Variants in APOC4 observed in about 807,000 individuals in gnomAD.
APOC4 encodes apolipoprotein C4, also known as apolipoprotein C-IV.
In APOC4, 10 loss-of-function variants were observed where a neutral mutation model predicts 8.4. The ratio of observed to expected loss-of-function variants is 1.19; its 90% CI spans 0.74 to 2.03. The LOEUF (loss-of-function observed/expected upper bound fraction) is 2.03. Among genes scored for constraint, APOC4 ranks in the 30% most tolerant of loss-of-function variants. APOC4 has a pLI of 0.00. For missense variants in APOC4, 160 were observed against 156.1 expected (o/e 1.02, Z -0.13); for synonymous variants, 59 against 65.8 (o/e 0.90, Z 0.50).
intron 1 of APOC4, among the ~76,000 whole-genome samples, chr19:44,943,035 C>T (rs1345121194): frequency 3.9e-5 from 6 of 152,096 alleles, no homozygotes. Flanking sequence ...CATTCTCCTG[C>T]CTCAGCCTCC....
chr19:44,945,037 G>A, intron 2 of APOC4, 103 bp from the exon 3 acceptor site: 1 of 1,534,494 alleles, frequency 6.5e-7, no homozygotes, highest in Non-Finnish European at 8.8e-7. Context: ...GAGGGTTAGA[G>A]CTGAGAGCAG....
intron 1 of APOC4, among the ~76,000 whole-genome samples, chr19:44,943,076 C>T: frequency 6.6e-6 from 1 of 152,236 alleles, no homozygotes; most frequent in Non-Finnish European, 1.5e-5. Flanking sequence ...AGCCCACCAC[C>T]ACGCCTGGCT....
chr19:44,943,112 G>A (rs965756501), intron 1 of APOC4, among the ~76,000 whole-genome samples: 7 of 152,020 alleles, frequency 4.6e-5, no homozygotes, highest in Admixed American at 1.3e-4. Flanking sequence ...TACTAGAGAC[G>A]GGGTTTCGCC....
In APOC4 at chr19:44,945,253, A is replaced by C. The variant is rs1970305641; in HGVS notation, c.332A>C (p.Lys111Thr). ...GAATCCAAAGACAGCCTCTTGAAGA[A>C]GACCCACAGCCTGTGCCCCAGGCTT... ...FLESKDSLLK[K>T]THSLCPRLVC... Residue 111 changes from lysine to threonine, a missense_variant, in exon 3 of 3, where the codon AAG (lysine) becomes ACG (threonine). Coordinates refer to ENST00000592954, the MANE Select transcript of APOC4 (RefSeq NM_001646.3). 13 of 1,613,950 alleles carry C rather than the reference A, an allele frequency of 8.1e-6. No individual in the cohort carries two copies. Among genetic ancestry groups the C allele is most frequent in the Non-Finnish European group, 1.1e-5 (13 of 1,180,022 alleles).
At chr19:44,944,519 A>T (rs536676804) in intron 1 of APOC4, among the ~76,000 whole-genome samples, 1 of 151,458 alleles carries the variant, frequency 6.6e-6, no homozygotes, top group Non-Finnish European at 1.5e-5. Context: ...AGAGCAAGAG[A>T]CTGACTCTGT....
At chr19:44,944,537 A>T (rs1435954412) in intron 1 of APOC4, among the ~76,000 whole-genome samples, 1 of 151,802 alleles carries the variant, frequency 6.6e-6, no homozygotes, top group East Asian at 1.9e-4. Flanking sequence ...TGTCTCATAA[A>T]AAAAAAGAAA....
Position 44,942,367 on chromosome 19 carries a change from G to T in APOC4, c.76+14G>T, listed in dbSNP as rs200020330. 552 of 1,612,654 alleles carry T rather than the reference G, an allele frequency of 3.4e-4. 10 individuals are homozygous for T. In the South Asian group the frequency reaches 5.3e-3, roughly 15 times the overall value. On this transcript the variant is annotated intron_variant, in intron 1 of 2. Coordinates refer to ENST00000592954, the MANE Select transcript of APOC4 (RefSeq NM_001646.3). ...CCTGCATTGGGGGTGAGAAGAAGTGGGTGGAGGGATGTGGGGCCCACACCT... is the reference window on the plus strand; with the variant it reads ...CCTGCATTGGGGGTGAGAAGAAGTGTGTGGAGGGATGTGGGGCCCACACCT...
Position 44,945,244 on chromosome 19 carries a change from T to G in APOC4, c.323T>G (p.Leu108Arg). The G allele has an allele frequency of 6.2e-7, 1 of 1,614,002 alleles. No homozygotes were observed. Among genetic ancestry groups the G allele is most frequent in the Non-Finnish European group, 8.5e-7 (1 of 1,179,984 alleles). ...TGGTTCCTCGAATCCAAAGACAGCC[T>G]CTTGAAGAAGACCCACAGCCTGTGC... is the stretch of plus-strand genomic sequence containing the variant. Reference protein sequence around the residue: ...KAWFLESKDSLLKKTHSLCPR... With the variant: ...KAWFLESKDSRLKKTHSLCPR... The change falls in exon 3 of 3, where the codon CTC becomes CGC. Residue 108 changes from leucine (L) to arginine (R), a missense_variant. Physicochemically the swap from Leu to Arg is moderately radical, Grantham distance 102 (BLOSUM62 -2). Coordinates refer to ENST00000592954, the MANE Select transcript of APOC4 (RefSeq NM_001646.3).
chr19:44,944,944 A>G, intron 2 of APOC4, 54 bp downstream of exon 2: 1 of 1,558,418 alleles, frequency 6.4e-7, no homozygotes, highest in Non-Finnish European at 8.7e-7. Flanking sequence ...CTGAGGGAGG[A>G]GGGGCTGGGG....
At chr19:44,942,697 A>G (rs1373813060) in intron 1 of APOC4, among the ~76,000 whole-genome samples, 3 of 150,386 alleles carry the variant, frequency 2.0e-5, no homozygotes, top group Admixed American at 6.6e-5. Context: ...GAGTGTGTGG[A>G]CATGTGTGAG....
chr19:44,945,029 G>T, intron 2 of APOC4, 111 bp from the exon 3 acceptor site: 1 of 1,528,456 alleles, frequency 6.5e-7, no homozygotes, highest in East Asian at 2.3e-5. Flanking sequence ...GAGGAGTGGA[G>T]GGTTAGAGCT....
chr19:44,944,997 G>C (rs547911169), intron 2 of APOC4, 107 bp downstream of exon 2: 2 of 1,523,120 alleles, frequency 1.3e-6, no homozygotes, highest in Admixed American at 2.1e-5. Flanking sequence ...GGTGGGAGTG[G>C]GGCTGTGACC....
intron 1 of APOC4, among the ~76,000 whole-genome samples, chr19:44,943,380 GTTAA>G (rs926980263): frequency 6.6e-6 from 1 of 150,788 alleles, no homozygotes; most frequent in Non-Finnish European, 1.5e-5. Context: ...TGTACTTTAT[GTTAA>G]AATGGGATCA....
intron 1 of APOC4, among the ~76,000 whole-genome samples, chr19:44,943,819 C>T (rs1221630894): frequency 6.6e-6 from 1 of 152,168 alleles, no homozygotes; most frequent in Non-Finnish European, 1.5e-5. Flanking sequence ...TCACGATAAC[C>T]CTGAGGTAGA....
chr19:44,942,298 G>T lies in APOC4; in HGVS notation c.21G>T (p.Arg7Ser), dbSNP rs565473757. 473 of 1,613,008 alleles carry T rather than the reference G, an allele frequency of 2.9e-4. 2 individuals carry two copies. The South Asian group carries it at 3.3e-3, about 11-fold the overall frequency. The change falls in exon 1 of 3, where the codon AGG becomes AGT. Residue 7 changes from arginine to serine, a missense_variant. By Grantham distance (110) the Arg-to-Ser change is moderately radical. Coordinates refer to ENST00000592954, the MANE Select transcript of APOC4 (RefSeq NM_001646.3). MSLLRN[R>S]LQALPALCLC... The stretch of plus-strand genomic sequence containing the variant: ...CAGAAATGTCCCTCCTCAGAAACAG[G>T]CTCCAGGCCCTGCCTGCCCTGTGCC...
intron 1 of APOC4, 130 bp from the exon 2 acceptor site, chr19:44,944,619 C>A: frequency 9.0e-7 from 1 of 1,114,872 alleles, no homozygotes; most frequent in Non-Finnish European, 1.2e-6. Context: ...AGGGTAAAGG[C>A]AGGAGGCAAG....
At chr19:44,943,913 G>C (rs1265748887) in intron 1 of APOC4, among the ~76,000 whole-genome samples, 1 of 152,186 alleles carries the variant, frequency 6.6e-6, no homozygotes, top group African/African-American at 2.4e-5. Context: ...CTAGCTACAT[G>C]TGGCCCCCGC....
rs1472190999 is a variant in APOC4 at position 44,942,409 on chromosome 19, G to A, written c.76+56G>A. The A allele has an allele frequency of 3.2e-6, 5 of 1,569,748 alleles. No individual in the cohort carries two copies. The Admixed American group carries it at 7.1e-5, about 22-fold the overall frequency. ...CCCACACCTGGTGGGTGTGAGTGTGGCTGTGTGTCCTGTGGCTCTGTAGCC... is the reference window on the plus strand; with the variant it reads ...CCCACACCTGGTGGGTGTGAGTGTGACTGTGTGTCCTGTGGCTCTGTAGCC... On this transcript the variant is annotated intron_variant, in intron 1 of 2. Transcript: ENST00000592954.
Position 44,944,702 on chromosome 19 carries a change from G to T in APOC4, c.77-47G>T. On this transcript the variant is annotated intron_variant, in intron 1 of 2. Coordinates refer to ENST00000592954, the MANE Select transcript of APOC4 (RefSeq NM_001646.3). ...GAGCATGGAGGGAAAGGGAGAAGGG[G>T]ATTCTAGGGTCCCAGCCTACCCAAG... 2 of 1,570,644 alleles carry T rather than the reference G, an allele frequency of 1.3e-6. 1 individual carries two copies. Among genetic ancestry groups the T allele is most frequent in the South Asian group, 2.4e-5 (2 of 84,400 alleles).
Sources: allele counts gnomAD v4.1 joint callset (sites outside exome capture counted in the v4.1 genomes callset), GRCh38; gene constraint gnomAD v4.1.1; transcripts MANE v1.5; gene names NCBI Gene and HGNC (gene_info 2026-07-23, HGNC 2026-07-21).